Variants in BTC observed in about 807,000 individuals in gnomAD.
BTC encodes the protein betacellulin, also known as probetacellulin.
BTC carries 13 observed loss-of-function variants against 18.1 expected under a neutral mutation model. That is an observed-to-expected ratio of 0.72 (90% CI 0.47 to 1.14). BTC has a LOEUF of 1.14. BTC is among the 50% of genes most tolerant of loss of function. BTC has a pLI of 0.00. For synonymous variants in BTC, 83 were observed against 79.4 expected, an observed-to-expected ratio of 1.05 and a Z score of -0.24; for missense variants, 247 against 224.2, an observed-to-expected ratio of 1.10 and a Z score of -0.65.
At chr4:74,747,969 G>C in intron 5 of BTC, 71 bp downstream of exon 5, 4 of 686,430 alleles carry the variant, frequency 5.8e-6, no homozygotes, top group Non-Finnish European at 7.2e-6. Context: ...TTTAGTAGAT[G>C]CAAGTAAGCC....
chr4:74,779,221 C>T (rs1725255460), intron 1 of BTC, among the ~76,000 whole-genome samples: 2 of 152,122 alleles, frequency 1.3e-5, no homozygotes, highest in South Asian at 4.1e-4. Context: ...CATAAAAGTA[C>T]TTCACAACCT....
chr4:74,773,460 G>A (rs1725096831), intron 1 of BTC, among the ~76,000 whole-genome samples: 2 of 152,128 alleles, frequency 1.3e-5, no homozygotes, highest in Non-Finnish European at 2.9e-5. Flanking sequence ...CTGCTATAAA[G>A]AGAAAGGACA....
intron 1 of BTC, among the ~76,000 whole-genome samples, chr4:74,786,554 C>A (rs1271980909): frequency 6.6e-6 from 1 of 152,142 alleles, no homozygotes; most frequent in Non-Finnish European, 1.5e-5. Context: ...AAACATAAAC[C>A]CATGAATACA....
intron 1 of BTC, among the ~76,000 whole-genome samples, chr4:74,792,361 G>A (rs61498904): frequency 0.02 from 3,029 of 152,160 alleles, 112 homozygotes; most frequent in African/African-American, 0.069. Flanking sequence ...AATGTCCATC[G>A]ACTTTCAATA....
chr4:74,763,425 C>A (rs1356922035), intron 2 of BTC, among the ~76,000 whole-genome samples: 2 of 152,084 alleles, frequency 1.3e-5, no homozygotes, highest in African/African-American at 4.8e-5. Context: ...CATGTAGAGA[C>A]TACAGTATAT....
At chr4:74,765,270 A>G (rs1476296501) in intron 2 of BTC, among the ~76,000 whole-genome samples, 2 of 152,208 alleles carry the variant, frequency 1.3e-5, no homozygotes, top group Non-Finnish European at 2.9e-5. Flanking sequence ...GAAATTTTCA[A>G]CAAAGAGATA....
At chr4:74,780,234 C>T (rs572775262) in intron 1 of BTC, among the ~76,000 whole-genome samples, 93 of 152,170 alleles carry the variant, frequency 6.1e-4, no homozygotes, top group Non-Finnish European at 1.1e-3. Flanking sequence ...GTTGAAGCTT[C>T]TCAATGACTG....
At chr4:74,760,265 G>A (rs1724717658) in intron 2 of BTC, among the ~76,000 whole-genome samples, 1 of 152,166 alleles carries the variant, frequency 6.6e-6, no homozygotes, top group Non-Finnish European at 1.5e-5. Flanking sequence ...CAAATGTAAA[G>A]GGAAAGGCTA....
intron 1 of BTC, among the ~76,000 whole-genome samples, chr4:74,771,095 A>G (rs1725027673): frequency 6.6e-6 from 1 of 152,022 alleles, no homozygotes; most frequent in South Asian, 2.1e-4. Context: ...TGGGTATATC[A>G]AGGTTCATTA....
intron 2 of BTC, among the ~76,000 whole-genome samples, chr4:74,758,842 A>G (rs1474526118): frequency 6.6e-6 from 1 of 152,200 alleles, no homozygotes; most frequent in African/African-American, 2.4e-5. Context: ...TTTAGATTTT[A>G]AAACATTTCC....
At chr4:74,763,124 T>C (rs1434541306) in intron 2 of BTC, among the ~76,000 whole-genome samples, 2 of 152,154 alleles carry the variant, frequency 1.3e-5, no homozygotes, top group African/African-American at 4.8e-5. Flanking sequence ...ATTTCTCAAA[T>C]AGTAAAATGT....
intron 2 of BTC, among the ~76,000 whole-genome samples, chr4:74,763,716 T>C (rs1178763256): frequency 1.3e-5 from 2 of 152,132 alleles, no homozygotes; most frequent in East Asian, 1.9e-4. Context: ...GGTGGGGAGA[T>C]AGCCAGAGAT....
chr4:74,782,864 T>C (rs1360906176), intron 1 of BTC, among the ~76,000 whole-genome samples: 1 of 152,228 alleles, frequency 6.6e-6, no homozygotes, highest in Admixed American at 6.5e-5. Flanking sequence ...GATGTTGAGC[T>C]CTTTTTCATG....
At position 74,787,745 on chromosome 4, in the gene BTC, G is replaced by C. The variant is rs138593637; in HGVS notation, c.64+6517C>G. Among the ~76,000 whole-genome samples the C allele has an allele frequency of 7.6e-4, 115 of 152,266 alleles. No homozygotes were observed. The East Asian group carries it at 0.017, about 23-fold the overall frequency. ...GTTCTAGGCATATACTATGTTTTAG[G>C]GAAGCTACTTAATCTTTCACAGTGT... On this transcript the variant is annotated intron_variant, in intron 1 of 5. Transcript: ENST00000395743.
Position 74,761,596 on chromosome 4 carries a change from A to C in BTC, c.164-5620T>G, listed in dbSNP as rs141770440. ...TTCAAACTTGGTCTTTCCTTATCTCAGTAAATCATATCCATTCTTCTATTA... is the reference window on the plus strand; with the variant it reads ...TTCAAACTTGGTCTTTCCTTATCTCCGTAAATCATATCCATTCTTCTATTA... On this transcript the variant is annotated intron_variant, in intron 2 of 5. Coordinates refer to ENST00000395743, the MANE Select transcript of BTC (RefSeq NM_001729.4). Among the ~76,000 whole-genome samples the C allele has an allele frequency of 2.9e-3, 437 of 152,344 alleles. 2 individuals carry two copies. The highest frequency in any genetic ancestry group is 9.9e-3 in the African/African-American group (411 of 41,582).
intron 1 of BTC, among the ~76,000 whole-genome samples, chr4:74,772,372 C>G (rs911185216): frequency 3.9e-5 from 6 of 152,088 alleles, no homozygotes; most frequent in Non-Finnish European, 1.5e-5. Flanking sequence ...CAAATAGAAA[C>G]AAACAATCAT....
intron 3 of BTC, among the ~76,000 whole-genome samples, chr4:74,752,863 T>G (rs1437715512): frequency 6.6e-6 from 1 of 152,242 alleles, no homozygotes; most frequent in African/African-American, 2.4e-5. Flanking sequence ...TTTCTACTCT[T>G]TTAGAATGTT....
At chr4:74,787,749 G>T (rs1177938270) in intron 1 of BTC, among the ~76,000 whole-genome samples, 3 of 152,176 alleles carry the variant, frequency 2.0e-5, no homozygotes, top group African/African-American at 7.2e-5. Flanking sequence ...TTTTAGGGAA[G>T]CTACTTAATC....
In BTC at chr4:74,770,915, A is replaced by ATGTG. The variant is rs61202126; in HGVS notation, c.65-763_65-760dup. Among the ~76,000 whole-genome samples, 678 of 141,976 alleles carry ATGTG rather than the reference A, an allele frequency of 4.8e-3. 1 individual carries two copies. The highest frequency in any genetic ancestry group is 0.024 in the East Asian group (116 of 4,756). 93.1% of individuals were successfully genotyped at this position (141,976 alleles called of 152,430 possible). On this transcript the variant is annotated intron_variant, in intron 1 of 5. Transcript: ENST00000395743. Reference sequence around the variant, plus strand: ...TTACAAAACAGGGTCTATATCGTGTATGTGTGTGTGTGTGTGTGTGTGTGT... The same window carrying ATGTG: ...TTACAAAACAGGGTCTATATCGTGTATGTGTGTGTGTGTGTGTGTGTGTGTGTGT...
Sources: allele counts gnomAD v4.1 joint callset (sites outside exome capture counted in the v4.1 genomes callset), GRCh38; gene constraint gnomAD v4.1.1; transcripts MANE v1.5; gene names NCBI Gene and HGNC (gene_info 2026-07-23, HGNC 2026-07-21).